FBXL17: variants seen among roughly 807,000 people sequenced by gnomAD.
FBXL17 encodes F-box and leucine rich repeat protein 17, also known as F-box/LRR-repeat protein 17.
FBXL17 carries 22 observed loss-of-function variants against 66.2 expected under a neutral mutation model. That is an observed-to-expected ratio of 0.33 (90% CI 0.24 to 0.47). The LOEUF (loss-of-function observed/expected upper bound fraction) is 0.47, where lower values mean the gene tolerates loss of function less well. Ranked by LOEUF, FBXL17 falls within the 20% of genes least tolerant of loss-of-function variation. The pLI is 1.00. For missense variants in FBXL17, 878 were observed against 948.2 expected (o/e 0.93, Z 0.97); for synonymous variants, 474 against 400.5 (o/e 1.18, Z -2.19).
chr5:108,108,234 T>G (rs1749886480), intron 6 of FBXL17, among the ~76,000 whole-genome samples: 1 of 152,246 alleles, frequency 6.6e-6, no homozygotes, highest in African/African-American at 2.4e-5. Flanking sequence ...ACCAACTATG[T>G]GATGTAAAGA....
At chr5:108,159,916 T>C (rs1396852628) in intron 6 of FBXL17, among the ~76,000 whole-genome samples, 1 of 152,186 alleles carries the variant, frequency 6.6e-6, no homozygotes. Context: ...CCAGGATTAT[T>C]TTCTCATTAG....
At chr5:108,068,680 A>C (rs989603431) in intron 6 of FBXL17, among the ~76,000 whole-genome samples, 4 of 151,916 alleles carry the variant, frequency 2.6e-5, no homozygotes, top group Non-Finnish European at 5.9e-5. Flanking sequence ...GATGGTCTCG[A>C]TCTCCTGACC....
intron 6 of FBXL17, among the ~76,000 whole-genome samples, chr5:108,081,517 C>A (rs186230258): frequency 6.6e-6 from 1 of 152,034 alleles, no homozygotes; most frequent in East Asian, 2.0e-4. Flanking sequence ...GTCAGGAAAT[C>A]GAGACCATCC....
intron 6 of FBXL17, among the ~76,000 whole-genome samples, chr5:108,120,931 A>T (rs1288818147): frequency 1.3e-5 from 2 of 152,230 alleles, no homozygotes; most frequent in Non-Finnish European, 2.9e-5. Flanking sequence ...TTATAAAAAA[A>T]GAACCAAAAA....
At chr5:107,872,430 G>T (rs1236708648) in intron 8 of FBXL17, among the ~76,000 whole-genome samples, 1 of 152,196 alleles carries the variant, frequency 6.6e-6, no homozygotes, top group Non-Finnish European at 1.5e-5. Context: ...GGATCTGACG[G>T]TTTTCAAATT....
intron 6 of FBXL17, among the ~76,000 whole-genome samples, chr5:108,184,986 C>A (rs2150030840): frequency 6.6e-6 from 1 of 152,196 alleles, no homozygotes; most frequent in Middle Eastern, 3.4e-3. Flanking sequence ...TCTACCTAAT[C>A]AGTAGTGCTA....
intron 4 of FBXL17, among the ~76,000 whole-genome samples, chr5:108,297,115 T>C (rs1458026711): frequency 6.6e-6 from 1 of 151,592 alleles, no homozygotes; most frequent in Non-Finnish European, 1.5e-5. Flanking sequence ...CAAATAATCA[T>C]ATTTAATAAC....
At chr5:108,044,632 G>A (rs747661420) in intron 6 of FBXL17, among the ~76,000 whole-genome samples, 1 of 151,982 alleles carries the variant, frequency 6.6e-6, no homozygotes, top group African/African-American at 2.4e-5. Context: ...TGCTCAGCAG[G>A]GTAATATTAA....
intron 6 of FBXL17, among the ~76,000 whole-genome samples, chr5:108,143,411 C>G (rs1751436725): frequency 6.6e-6 from 1 of 151,676 alleles, no homozygotes; most frequent in Non-Finnish European, 1.5e-5. Context: ...ATTTATTCAT[C>G]TGCTGTAGTA....
chr5:107,879,152 A>G (rs2112498138), intron 8 of FBXL17: 1 of 985,340 alleles, frequency 1.0e-6, no homozygotes, highest in South Asian at 4.7e-5. Flanking sequence ...TCTACAGTGT[A>G]TCTCCGAAGA....
chr5:108,039,933 C>T (rs1407697872), intron 6 of FBXL17, among the ~76,000 whole-genome samples: 3 of 151,954 alleles, frequency 2.0e-5, no homozygotes, highest in Non-Finnish European at 4.4e-5. Flanking sequence ...AAAATGATAT[C>T]GTTTGGTATT....
intron 7 of FBXL17, among the ~76,000 whole-genome samples, chr5:107,981,279 T>C (rs1437459395): frequency 1.3e-5 from 2 of 152,232 alleles, no homozygotes; most frequent in Non-Finnish European, 2.9e-5. Context: ...GACTGGATCC[T>C]GTTCAAAGCT....
chr5:108,097,888 A>G (rs1749443554), intron 6 of FBXL17, among the ~76,000 whole-genome samples: 2 of 152,100 alleles, frequency 1.3e-5, no homozygotes, highest in African/African-American at 4.8e-5. Flanking sequence ...AACATTTTAT[A>G]CTGTCTAACA....
intron 4 of FBXL17, among the ~76,000 whole-genome samples, chr5:108,344,281 G>A (rs1747101021): frequency 6.6e-6 from 1 of 152,058 alleles, no homozygotes; most frequent in Admixed American, 6.6e-5. Flanking sequence ...GCAGTCAAAG[G>A]ACTCTAAGAG....
chr5:108,092,980 T>A (rs549466347), intron 6 of FBXL17, among the ~76,000 whole-genome samples: 1 of 152,212 alleles, frequency 6.6e-6, no homozygotes, highest in East Asian at 1.9e-4. Context: ...AAATTGGCAA[T>A]AGAGAGGGAG....
chr5:108,253,563 C>T (rs1756449526), intron 4 of FBXL17, among the ~76,000 whole-genome samples: 1 of 152,130 alleles, frequency 6.6e-6, no homozygotes, highest in Non-Finnish European at 1.5e-5. Context: ...AATAAATTAG[C>T]TTACATCCTG....
intron 6 of FBXL17, among the ~76,000 whole-genome samples, chr5:108,068,347 T>C (rs1019905227): frequency 1.3e-5 from 2 of 151,584 alleles, no homozygotes; most frequent in Admixed American, 1.3e-4. Flanking sequence ...AAAACCATCA[T>C]CAAAAACTTT....
At chr5:108,123,230 A>G (rs948810043) in intron 6 of FBXL17, among the ~76,000 whole-genome samples, 5 of 151,890 alleles carry the variant, frequency 3.3e-5, no homozygotes, top group Non-Finnish European at 1.5e-5. Context: ...TTCCCCAAGA[A>G]TTGCTCAAAT....
intron 7 of FBXL17, among the ~76,000 whole-genome samples, chr5:107,984,853 A>C (rs1381678286): frequency 6.6e-6 from 1 of 152,220 alleles, no homozygotes; most frequent in Non-Finnish European, 1.5e-5. Context: ...GATATTGTGC[A>C]TAGAATCCTT....
Sources: gnomAD v4.1 joint callset for allele counts (sites outside exome capture counted in the v4.1 genomes callset) on GRCh38, gnomAD v4.1.1 for gene constraint, MANE v1.5 for transcripts, NCBI Gene and HGNC (gene_info 2026-07-23, HGNC 2026-07-21) for gene names.